The following ST6GALNAC6 variants were observed in gnomAD, a reference collection of about 807,000 sequenced individuals.
ST6GALNAC6 encodes the protein ST6 N-acetylgalactosaminide alpha-2,6-sialyltransferase 6, also known as alpha-N-acetylgalactosaminide alpha-2,6-sialyltransferase 6.
A neutral mutation model predicts 34.3 loss-of-function variants in ST6GALNAC6; 19 were observed. That is an observed-to-expected ratio of 0.55 (90% CI 0.39 to 0.81). The LOEUF (loss-of-function observed/expected upper bound fraction) is 0.81, where lower values mean the gene tolerates loss of function less well. Ranked by LOEUF, ST6GALNAC6 falls within the 40% of genes least tolerant of loss-of-function variation. ST6GALNAC6 has a pLI of 0.00. For missense variants in ST6GALNAC6, 377 were observed against 467.7 expected (o/e 0.81, Z 1.79); for synonymous variants, 185 against 182.1 (o/e 1.02, Z -0.13).
In ST6GALNAC6 at chr9:127,890,730, C is replaced by A; in HGVS notation, c.611G>T (p.Gly204Val). 1 of 1,613,728 alleles carries A rather than the reference C, an allele frequency of 6.2e-7. No individual in the cohort carries two copies. The highest frequency in any genetic ancestry group is 8.5e-7 in the Non-Finnish European group (1 of 1,179,858). The change falls in exon 5 of 7, where the codon GGC (glycine) becomes GTC (valine). Residue 204 changes from glycine to valine, a missense_variant. Gly to Val is a moderately radical substitution (Grantham distance 109). Transcript: ENST00000373146. This position sits in a 1 kb window ranked among gnomAD's most constrained non-coding sequence, Gnocchi z 4.3. ...TGCTTCCATGTTGGGGAACACCAGG[C>A]CCGCTCGCTGGATCACACGCACGAG... The part of the protein sequence containing the change: ...GSLVRVIQRA[G>V]LVFPNMEAYA...
Position 127,898,001 on chromosome 9 carries a change from G to A in ST6GALNAC6, c.-20C>T, listed in dbSNP as rs1210464391. ...AGCCATGTGACCTCTCTGAGCCTCA[G>A]TTTCCTCATCTGTGAAATGGGAACA... On this transcript the variant is annotated 5_prime_UTR_variant, in exon 2 of 7. Coordinates refer to ENST00000373146, the MANE Select transcript of ST6GALNAC6 (RefSeq NM_013443.5). The A allele has an allele frequency of 6.9e-7, 1 of 1,442,846 alleles. No individual in the cohort carries two copies. The highest frequency in any genetic ancestry group is 9.7e-7 in the Non-Finnish European group (1 of 1,032,462). The allele number at this position is 1,442,846 out of a possible 1,614,324, so 89.4% of individuals were successfully genotyped here.
At chr9:127,893,117 G>T (rs1830246522) in intron 4 of ST6GALNAC6, among the ~76,000 whole-genome samples, 1 of 152,194 alleles carries the variant, frequency 6.6e-6, no homozygotes, top group African/African-American at 2.4e-5. Flanking sequence ...GCTGAGATGT[G>T]AAGGATGAAG....
At chr9:127,895,562 G>A (rs1201653161) in intron 3 of ST6GALNAC6, among the ~76,000 whole-genome samples, 1 of 152,206 alleles carries the variant, frequency 6.6e-6, no homozygotes, top group Non-Finnish European at 1.5e-5. Context: ...GGGGGCAGGG[G>A]TGCTCCTTAT....
intron 1 of ST6GALNAC6, chr9:127,905,191 C>A: frequency 1.0e-6 from 1 of 984,676 alleles, no homozygotes; most frequent in Non-Finnish European, 1.2e-6. Flanking sequence ...TGGGGAGGCT[C>A]CTGCCCTGGG....
At chr9:127,886,816 G>A (rs1317665742) in intron 6 of ST6GALNAC6, 28 bp from the exon 7 acceptor site, 2 of 1,571,006 alleles carry the variant, frequency 1.3e-6, no homozygotes, top group East Asian at 4.5e-5. Context: ...GGCGTCATCA[G>A]GGCAAGGTGA....
At chr9:127,889,342 C>T (rs1411858523) in intron 5 of ST6GALNAC6, among the ~76,000 whole-genome samples, 1 of 51,996 alleles carries the variant, frequency 1.9e-5, no homozygotes, top group Non-Finnish European at 4.9e-5. Context: ...GCAAGACTCC[C>T]TCTCAAAAAA....
In ST6GALNAC6 at chr9:127,887,533, A is replaced by G. The variant is rs746105082; in HGVS notation, c.763T>C (p.Leu255=). ...GWFTMVIAVE[L]CDHVHVYGMV... ...CCATAGACATGCACGTGGTCACACA[A>G]CTCCACCGCGATCACCATGGTAAAC... The change falls in exon 6 of 7, where the codon TTG becomes CTG. Residue 255 remains leucine, a synonymous_variant. Coordinates refer to ENST00000373146, the MANE Select transcript of ST6GALNAC6 (RefSeq NM_013443.5). 2 of 1,612,790 alleles carry G rather than the reference A, an allele frequency of 1.2e-6. No individual in the cohort carries two copies. Among genetic ancestry groups the G allele is most frequent in the Admixed American group, 3.3e-5 (2 of 59,882 alleles).
intron 2 of ST6GALNAC6, 155 bp downstream of exon 2, chr9:127,897,801 C>T: frequency 6.6e-7 from 1 of 1,515,906 alleles, no homozygotes; most frequent in Non-Finnish European, 8.8e-7. Context: ...TGCGGATGCC[C>T]CCTGCCCGCC....
At chr9:127,893,248 A>T (rs1030615555) in intron 4 of ST6GALNAC6, among the ~76,000 whole-genome samples, 4 of 152,212 alleles carry the variant, frequency 2.6e-5, no homozygotes, top group Non-Finnish European at 5.9e-5. Flanking sequence ...GGCAGAGTCA[A>T]CAAGTGGGAG....
Position 127,886,442 on chromosome 9 carries a change from G to A in ST6GALNAC6, c.*157C>T. On this transcript the variant is annotated 3_prime_UTR_variant, in exon 7 of 7. Transcript: ENST00000373146. ...CCCTGATTCGCCAACAGATTCCCCA[G>A]GCCCTGATTGGCTGGAGGATACATC... The A allele has an allele frequency of 6.9e-7, 1 of 1,444,306 alleles. No individual in the cohort carries two copies. Among genetic ancestry groups the A allele is most frequent in the Non-Finnish European group, 9.1e-7 (1 of 1,100,172 alleles). 89.5% of individuals were successfully genotyped at this position (1,444,306 alleles called of 1,614,324 possible).
In ST6GALNAC6 at chr9:127,899,537, C is replaced by G; in HGVS notation, c.-64G>C. The G allele has an allele frequency of 3.1e-6, 3 of 981,056 alleles. No individual in the cohort carries two copies. The highest frequency in any genetic ancestry group is 3.6e-6 in the Non-Finnish European group (3 of 828,182). The allele number at this position is 981,056 out of a possible 1,614,324, so 60.8% of individuals were successfully genotyped here. ...GGAGCGCCCGGCCCCCCGCGGCCCC[C>G]GAGCCCCCTCACATGGCGCCGGGAG... On this transcript the variant is annotated 5_prime_UTR_variant, in exon 1 of 7. Transcript: ENST00000373146.
chr9:127,894,623 G>T lies in ST6GALNAC6; in HGVS notation c.186C>A (p.Asn62Lys). 4 of 1,614,234 alleles carry T rather than the reference G, an allele frequency of 2.5e-6. No homozygotes were observed. Among genetic ancestry groups the T allele is most frequent in the Non-Finnish European group, 3.4e-6 (4 of 1,180,046 alleles). Residue 62 changes from asparagine (N) to lysine (K), a missense_variant, in exon 4 of 7, where the codon AAC becomes AAA. Transcript: ENST00000373146. ...CGTAATGGAAGACCTCATTGGCACT[G>T]TTGGAGCTGTAGAGGATGAGGATGG... ...LITILILYSS[N>K]SANEVFHYGS...
intron 3 of ST6GALNAC6, among the ~76,000 whole-genome samples, chr9:127,895,546 C>T (rs1830401008): frequency 1.3e-5 from 2 of 152,230 alleles, no homozygotes; most frequent in Non-Finnish European, 2.9e-5. Context: ...AGATCTCAGC[C>T]TTTATGGGGG....
At chr9:127,888,683 G>A (rs1464595627) in intron 5 of ST6GALNAC6, among the ~76,000 whole-genome samples, 3 of 152,056 alleles carry the variant, frequency 2.0e-5, no homozygotes, top group Non-Finnish European at 4.4e-5. Flanking sequence ...GCACGTGCCT[G>A]TGATTCCAGC....
At position 127,894,702 on chromosome 9, in the gene ST6GALNAC6, G is replaced by C; in HGVS notation, c.118-11C>G. Reference sequence around the variant, plus strand: ...TGCTGACCGCTGCTCCTGGAGAGAGGAGAGGTCAGTGAGGGCCCAGCTGCC... The same window carrying C: ...TGCTGACCGCTGCTCCTGGAGAGAGCAGAGGTCAGTGAGGGCCCAGCTGCC... On this transcript the variant is annotated splice_polypyrimidine_tract_variant and intron_variant, in intron 3 of 6. Coordinates refer to ENST00000373146, the MANE Select transcript of ST6GALNAC6 (RefSeq NM_013443.5). 6.2e-7 allele frequency: 1 copy of C among 1,611,386 alleles called. No homozygotes were observed. The highest frequency in any genetic ancestry group is 8.5e-7 in the Non-Finnish European group (1 of 1,178,384).
At chr9:127,887,148 T>C (rs888441202) in intron 6 of ST6GALNAC6, among the ~76,000 whole-genome samples, 1 of 152,136 alleles carries the variant, frequency 6.6e-6, no homozygotes, top group African/African-American at 2.4e-5. Context: ...GAATAACAGT[T>C]CTTATCCCGT....
At chr9:127,896,584 C>A (rs958204488) in intron 2 of ST6GALNAC6, among the ~76,000 whole-genome samples, 1 of 152,218 alleles carries the variant, frequency 6.6e-6, no homozygotes, top group African/African-American at 2.4e-5. Context: ...ACCAAGGCAG[C>A]TGGCAGGGCC....
At chr9:127,891,111 G>T in intron 4 of ST6GALNAC6, 68 bp from the exon 5 acceptor site, 2 of 1,550,452 alleles carry the variant, frequency 1.3e-6, no homozygotes, top group Non-Finnish European at 1.7e-6. Context: ...ATACATCCAG[G>T]CCTCCAGGAC....
upstream of ST6GALNAC6, among the ~76,000 whole-genome samples, chr9:127,902,389 G>A (rs919485211): frequency 3.3e-5 from 5 of 151,966 alleles, no homozygotes; most frequent in Non-Finnish European, 7.4e-5. Flanking sequence ...TCGAACTCTC[G>A]ACCTAGGTGA....
Sources: gnomAD v4.1 joint callset for allele counts (sites outside exome capture counted in the v4.1 genomes callset) on GRCh38, gnomAD v4.1.1 for gene constraint, Gnocchi (gnomAD v3.1) non-coding constraint, MANE v1.5 for transcripts, NCBI Gene and HGNC (gene_info 2026-07-23, HGNC 2026-07-21) for gene names.